ARMC9: variants seen among roughly 807,000 people sequenced by gnomAD.
ARMC9 encodes the protein lisH domain-containing protein ARMC9.
In ARMC9, 94 loss-of-function variants were observed where a neutral mutation model predicts 107.0. That is an observed-to-expected ratio of 0.88 (90% CI 0.74 to 1.04). The LOEUF (loss-of-function observed/expected upper bound fraction) is 1.04, where lower values mean the gene tolerates loss of function less well. ARMC9 is among the 50% of genes least tolerant of loss of function. The pLI, the probability that ARMC9 is intolerant of heterozygous loss-of-function variation, is 0.00. For synonymous variants in ARMC9, 380 were observed against 396.9 expected (o/e 0.96, Z 0.51); for missense variants, 942 against 1,030.1 (o/e 0.91, Z 1.17).
chr2:231,266,480 A>G (rs1262956354), intron 12 of ARMC9, among the ~76,000 whole-genome samples: 6 of 152,204 alleles, frequency 3.9e-5, no homozygotes, highest in African/African-American at 1.4e-4. Context: ...ACCCATTTTT[A>G]GGTGTACAGT....
At chr2:231,365,748 A>T (rs2045789909) in intron 23 of ARMC9, among the ~76,000 whole-genome samples, 1 of 152,026 alleles carries the variant, frequency 6.6e-6, no homozygotes, top group Admixed American at 6.6e-5. Flanking sequence ...ATGGGCACAC[A>T]CTTGGCGACA....
At chr2:231,273,712 G>T (rs1357836809) in intron 14 of ARMC9, among the ~76,000 whole-genome samples, 1 of 152,082 alleles carries the variant, frequency 6.6e-6, no homozygotes, top group East Asian at 1.9e-4. Flanking sequence ...ACCGCACCCG[G>T]CCCCGTAGGT....
At chr2:231,282,218 T>G (rs1034990012) in intron 17 of ARMC9, 85 bp downstream of exon 17, 1 of 1,392,064 alleles carries the variant, frequency 7.2e-7, no homozygotes, top group Non-Finnish European at 1.0e-6. Context: ...TTGATTGGGC[T>G]CCATAGAAAG....
At position 231,369,969 on chromosome 2, in the gene ARMC9, T is replaced by C. The variant is rs1205596317; in HGVS notation, c.2278T>C (p.Phe760Leu). ...TTGTTCTAGGGAATGTGCATCAGCC[T>C]TCACCTGCAAGCCCCGGGCCCCCTG... is the stretch of plus-strand genomic sequence containing the variant. ...GVTTRECASA[F>L]TCKPRAPCTP... Residue 760 changes from phenylalanine (F) to leucine (L), a missense_variant, in exon 24 of 25, where the codon TTC becomes CTC. Physicochemically the swap from Phe to Leu is conservative, Grantham distance 22. Transcript: ENST00000611582. The C allele has an allele frequency of 1.3e-6, 2 of 1,522,736 alleles. No individual in the cohort carries two copies. The highest frequency in any genetic ancestry group is 2.0e-5 in the Admixed American group (1 of 49,530). The allele number at this position is 1,522,736 out of a possible 1,614,324, so 94.3% of individuals were successfully genotyped here.
At chr2:231,282,976 A>G (rs901999143) in intron 17 of ARMC9, among the ~76,000 whole-genome samples, 1 of 152,186 alleles carries the variant, frequency 6.6e-6, no homozygotes, top group Non-Finnish European at 1.5e-5. Context: ...AGGAAAAAAC[A>G]TGTAGGCTGA....
intron 23 of ARMC9, among the ~76,000 whole-genome samples, chr2:231,363,182 T>G (rs2045662926): frequency 6.6e-6 from 1 of 152,234 alleles, no homozygotes. Context: ...GTGCTGTGCT[T>G]CTGCACCTGG....
chr2:231,276,828 T>C (rs759860184), intron 15 of ARMC9, 53 bp downstream of exon 15: 25 of 1,595,204 alleles, frequency 1.6e-5, no homozygotes, highest in Non-Finnish European at 1.8e-5. Flanking sequence ...ATCTTGACTC[T>C]TGAAGCTGGG....
intron 19 of ARMC9, among the ~76,000 whole-genome samples, chr2:231,328,832 T>TTTTTTTTTTTTTTTTTTTTTTTTTTTTG (rs2043521029): frequency 1.4e-5 from 2 of 145,086 alleles, no homozygotes; most frequent in Non-Finnish European, 1.5e-5. Flanking sequence ...TTTTTTTTTT[T>TTTTTTTTTTTTTTTTTTTTTTTTTTTTG]GAGTCGGAGT....
chr2:231,257,764 T>C (rs2037966539), intron 10 of ARMC9, among the ~76,000 whole-genome samples: 1 of 152,160 alleles, frequency 6.6e-6, no homozygotes, highest in Non-Finnish European at 1.5e-5. Context: ...CACTTAGCAT[T>C]TGGCATAATA....
chr2:231,243,101 G>T (rs748340769), intron 9 of ARMC9, among the ~76,000 whole-genome samples: 1 of 152,180 alleles, frequency 6.6e-6, no homozygotes, highest in Non-Finnish European at 1.5e-5. Context: ...AAAAAAATTA[G>T]CTGGGCATGG....
intron 6 of ARMC9, among the ~76,000 whole-genome samples, chr2:231,224,845 CAG>C (rs917195317): frequency 5.3e-5 from 8 of 152,112 alleles, no homozygotes; most frequent in Admixed American, 2.6e-4. Context: ...GTGAGGCAAA[CAG>C]AGGAGGGATG....
intron 9 of ARMC9, among the ~76,000 whole-genome samples, chr2:231,244,077 C>T (rs796503352): frequency 1.2e-4 from 18 of 152,300 alleles, no homozygotes; most frequent in African/African-American, 4.3e-4. Context: ...TTGAGTGTTA[C>T]TGCTAATTAC....
intron 9 of ARMC9, among the ~76,000 whole-genome samples, chr2:231,254,023 T>C (rs1005353368): frequency 6.6e-6 from 1 of 151,998 alleles, no homozygotes; most frequent in African/African-American, 2.4e-5. Context: ...GAGGTGATGT[T>C]GGATGGCCTG....
chr2:231,213,740 G>A (rs1018042499), intron 3 of ARMC9, among the ~76,000 whole-genome samples: 2 of 152,122 alleles, frequency 1.3e-5, no homozygotes, highest in African/African-American at 4.8e-5. Flanking sequence ...CTCCCGAAGT[G>A]CTGGGATTAC....
chr2:231,235,498 C>G, intron 8 of ARMC9, 117 bp downstream of exon 8: 1 of 1,237,730 alleles, frequency 8.1e-7, no homozygotes, highest in Middle Eastern at 2.7e-4. Context: ...GCCAGTGGCG[C>G]CTGCTGCTCT....
chr2:231,275,872 G>C (rs138771019), intron 14 of ARMC9, among the ~76,000 whole-genome samples: 1,708 of 152,284 alleles, frequency 0.011, 32 homozygotes, highest in African/African-American at 0.039. Flanking sequence ...AGAATCACTT[G>C]AACCCAGGAG....
intron 16 of ARMC9, among the ~76,000 whole-genome samples, chr2:231,279,844 C>G (rs1237662270): frequency 6.6e-6 from 1 of 152,114 alleles, no homozygotes; most frequent in Non-Finnish European, 1.5e-5. Context: ...AGCTCCCATT[C>G]TGGTCATTCC....
chr2:231,204,555 C>A (rs2031663856), intron 1 of ARMC9, among the ~76,000 whole-genome samples: 1 of 152,138 alleles, frequency 6.6e-6, no homozygotes, highest in Non-Finnish European at 1.5e-5. Context: ...TGTCTGGAAT[C>A]AATTTCCACT....
At chr2:231,348,163 A>G (rs2044886725) in intron 21 of ARMC9, among the ~76,000 whole-genome samples, 1 of 152,250 alleles carries the variant, frequency 6.6e-6, no homozygotes, top group Admixed American at 6.5e-5. Flanking sequence ...TTAAGGATCT[A>G]GAGATGGATG....
Sources: gnomAD v4.1 joint callset for allele counts (sites outside exome capture counted in the v4.1 genomes callset) on GRCh38, gnomAD v4.1.1 for gene constraint, MANE v1.5 for transcripts, NCBI Gene and HGNC (gene_info 2026-07-23, HGNC 2026-07-21) for gene names.